Variants in DLD observed in about 807,000 individuals in gnomAD.
DLD encodes dihydrolipoamide dehydrogenase, also known as dihydrolipoyl dehydrogenase, mitochondrial.
A neutral mutation model predicts 62.2 loss-of-function variants in DLD; 36 were observed. The ratio of observed to expected loss-of-function variants is 0.58; its 90% CI spans 0.44 to 0.76. The LOEUF (loss-of-function observed/expected upper bound fraction) is 0.76. Among genes scored for constraint, DLD ranks in the 30% least tolerant of loss-of-function variants. DLD has a pLI of 0.00. For synonymous variants in DLD, 204 were observed against 199.6 expected, an observed-to-expected ratio of 1.02 and a Z score of -0.19; for missense variants, 541 against 608.6, an observed-to-expected ratio of 0.89 and a Z score of 1.17.
At chr7:107,905,767 G>A (rs902970985) in intron 7 of DLD, 3 of 475,602 alleles carry the variant, frequency 6.3e-6, no homozygotes, top group Non-Finnish European at 1.1e-5. Flanking sequence ...AAAATTTAAA[G>A]TCAGTGTTTT....
In DLD at chr7:107,915,710, A is replaced by G; in HGVS notation, c.875+14A>G. On this transcript the variant is annotated intron_variant, in intron 9 of 13. Coordinates refer to ENST00000205402, the MANE Select transcript of DLD (RefSeq NM_000108.5). ...AATTGATGTTTCGTAAGTATACATC[A>G]TTTGTTTTTGATGTATCATCCCTGT... The G allele has an allele frequency of 5.0e-6, 8 of 1,611,394 alleles. No individual in the cohort carries two copies. Among genetic ancestry groups the G allele is most frequent in the Non-Finnish European group, 6.8e-6 (8 of 1,178,158 alleles).
chr7:107,893,439 C>T, intron 2 of DLD, 161 bp downstream of exon 2: 1 of 530,802 alleles, frequency 1.9e-6, no homozygotes, highest in Non-Finnish European at 3.2e-6. Flanking sequence ...CTAGTGTGTT[C>T]CAGGCGGTGA....
At chr7:107,903,402 A>G in intron 4 of DLD, 76 bp from the exon 5 acceptor site, 6 of 951,724 alleles carry the variant, frequency 6.3e-6, no homozygotes, top group Non-Finnish European at 1.0e-5. Context: ...AAAGACTATC[A>G]TTTCATAAGT....
intron 4 of DLD, among the ~76,000 whole-genome samples, chr7:107,902,764 G>C (rs181383705): frequency 6.6e-6 from 1 of 151,992 alleles, no homozygotes; most frequent in Non-Finnish European, 1.5e-5. Context: ...TTTTTCACCT[G>C]CCACCCTGAA....
intron 2 of DLD, among the ~76,000 whole-genome samples, chr7:107,896,418 C>T (rs1207490764): frequency 6.6e-6 from 1 of 152,198 alleles, no homozygotes; most frequent in African/African-American, 2.4e-5. Context: ...GTCATCCTTA[C>T]TATTACCCCC....
chr7:107,897,083 C>G (rs1047633569), intron 2 of DLD, among the ~76,000 whole-genome samples: 1 of 152,168 alleles, frequency 6.6e-6, no homozygotes, highest in African/African-American at 2.4e-5. Context: ...GATCCACCCA[C>G]CTCGGCCTCC....
rs1291809324 is a variant in DLD, at chr7:107,905,464, T to C, written c.542T>C (p.Ile181Thr). 6.2e-7 allele frequency: 1 copy of C among 1,613,860 alleles called. No individual in the cohort carries two copies. The highest frequency in any genetic ancestry group is 8.5e-7 in the Non-Finnish European group (1 of 1,179,772). The change falls in exon 7 of 14, where the codon ATA becomes ACA. Residue 181 changes from isoleucine to threonine, a missense_variant. By Grantham distance (89) the Ile-to-Thr change is moderately conservative. Transcript: ENST00000205402. ...GTTATTGATACAAAGAACATTCTTA[T>C]AGCCACGGGTTCAGAAGTTACTCCT... is the stretch of plus-strand genomic sequence containing the variant. ...TQVIDTKNIL[I>T]ATGSEVTPFP...
rs2116162670 is a variant in DLD at position 107,893,226 on chromosome 7, T to C, written c.66T>C (p.His22=). The C allele has an allele frequency of 1.9e-6, 3 of 1,613,786 alleles. No homozygotes were observed. The highest frequency in any genetic ancestry group is 2.5e-6 in the Non-Finnish European group (3 of 1,179,832). Residue 22 remains histidine (H), a synonymous_variant, in exon 2 of 14, where the codon CAT becomes CAC. Coordinates refer to ENST00000205402, the MANE Select transcript of DLD (RefSeq NM_000108.5). ...GAGGCCATTTCAATCGAATATCTCA[T>C]GGCCTACAGGGACTTTCTGCAGTGC... ...AKRGHFNRIS[H]GLQGLSAVPL...
rs2032399306 is a variant in DLD at position 107,921,069 on chromosome 7, A to C, written c.*1810A>C. ...AAAGTTTTTAGTTAGGGAATAGTGA[A>C]ATATAATTTAATATGGAATTCTAGC... On this transcript the variant is annotated 3_prime_UTR_variant, in exon 14 of 14. Coordinates refer to ENST00000205402, the MANE Select transcript of DLD (RefSeq NM_000108.5). 1 of 152,352 alleles carries C rather than the reference A, an allele frequency of 6.6e-6. No homozygotes were observed. Among genetic ancestry groups the C allele is most frequent in the Admixed American group, 6.5e-5 (1 of 15,286 alleles). The allele number at this position is 152,352 out of a possible 1,614,324, so 9.4% of individuals were successfully genotyped here.
Position 107,891,217 on chromosome 7 carries a change from A to G in DLD, c.-34A>G, listed in dbSNP as rs1468022787. 1.8e-5 allele frequency: 29 copies of G among 1,613,704 alleles called. No homozygotes were observed. The East Asian group carries it at 2.0e-4, about 11-fold the overall frequency. On this transcript the variant is annotated 5_prime_UTR_variant, in exon 1 of 14. Transcript: ENST00000205402. ...GCGGCGGAGGCGCCCAGCGGAGGTG[A>G]AAGTATTGGCGGAAAGGAAAATACA...
chr7:107,892,531 C>CTTTCTTTA (rs113774070), intron 1 of DLD, among the ~76,000 whole-genome samples: 1 of 149,606 alleles, frequency 6.7e-6, no homozygotes, highest in Non-Finnish European at 1.5e-5. Flanking sequence ...ACTTTCAGAG[C>CTTTCTTTA]TTTATTTATT....
In DLD at chr7:107,921,033, T is replaced by A. The variant is rs1349831366; in HGVS notation, c.*1774T>A. 5 of 152,232 alleles carry A rather than the reference T, an allele frequency of 3.3e-5. No homozygotes were observed. Among genetic ancestry groups the A allele is most frequent in the Non-Finnish European group, 7.4e-5 (5 of 68,020 alleles). 9.4% of individuals were successfully genotyped at this position (152,232 alleles called of 1,614,324 possible). Reference sequence around the variant, plus strand: ...ATGTAAATCTCAACATATCCCTTACTCAGGGAAAAAAAAGTTTTTAGTTAG... The same window carrying A: ...ATGTAAATCTCAACATATCCCTTACACAGGGAAAAAAAAGTTTTTAGTTAG... On this transcript the variant is annotated 3_prime_UTR_variant, in exon 14 of 14. Transcript: ENST00000205402.
chr7:107,898,130 A>G (rs1268563607), intron 2 of DLD, among the ~76,000 whole-genome samples: 1 of 152,120 alleles, frequency 6.6e-6, no homozygotes, highest in Non-Finnish European at 1.5e-5. Flanking sequence ...TAAACCTGGT[A>G]GGAGCACACA....
At chr7:107,909,155 A>G (rs1406463475) in intron 8 of DLD, among the ~76,000 whole-genome samples, 1 of 152,102 alleles carries the variant, frequency 6.6e-6, no homozygotes, top group African/African-American at 2.4e-5. Flanking sequence ...TTTTTTTCGC[A>G]TTTGGAATTC....
At chr7:107,918,937 C>T in intron 12 of DLD, 73 bp from the exon 13 acceptor site, 5 of 1,264,878 alleles carry the variant, frequency 4.0e-6, no homozygotes, top group Non-Finnish European at 5.8e-6. Flanking sequence ...AAAGCTTCCC[C>T]TCAACAATTG....
At position 107,917,940 on chromosome 7, in the gene DLD, T is replaced by G; in HGVS notation, c.1253T>G (p.Val418Gly). 6.2e-7 allele frequency: 1 copy of G among 1,614,064 alleles called. No homozygotes were observed. The highest frequency in any genetic ancestry group is 8.5e-7 in the Non-Finnish European group (1 of 1,179,936). The stretch of plus-strand genomic sequence containing the variant: ...CTGTCACAGGGTATTGAGTACAAAG[T>G]TGGGAAATTCCCATTTGCTGCTAAC... ...QLKEEGIEYK[V>G]GKFPFAANSR... The change falls in exon 12 of 14, where the codon GTT becomes GGT. Residue 418 changes from valine (V) to glycine (G), a missense_variant. Transcript: ENST00000205402.
At chr7:107,892,753 G>T (rs1310238006) in intron 1 of DLD, among the ~76,000 whole-genome samples, 1 of 152,014 alleles carries the variant, frequency 6.6e-6, no homozygotes, top group Non-Finnish European at 1.5e-5. Context: ...TCACTATGTT[G>T]GCCAGGCTGG....
intron 5 of DLD, chr7:107,904,525 T>C: frequency 2.8e-6 from 1 of 363,178 alleles, no homozygotes; most frequent in South Asian, 2.2e-5. Context: ...GATTAAACTT[T>C]TTAATGTTAA....
At chr7:107,913,175 C>G (rs1467461227) in intron 8 of DLD, among the ~76,000 whole-genome samples, 1 of 152,064 alleles carries the variant, frequency 6.6e-6, no homozygotes, top group Non-Finnish European at 1.5e-5. Context: ...TATGCCAGTA[C>G]TATGCTATTT....
Sources: gnomAD v4.1 joint callset for allele counts (sites outside exome capture counted in the v4.1 genomes callset) on GRCh38, gnomAD v4.1.1 for gene constraint, MANE v1.5 for transcripts, NCBI Gene and HGNC (gene_info 2026-07-23, HGNC 2026-07-21) for gene names.